Variants in ZBTB7C observed in about 807,000 individuals in gnomAD.
ZBTB7C encodes zinc finger and BTB domain containing 7C, also known as zinc finger and BTB domain-containing protein 7C.
Under a neutral mutation model 25.7 loss-of-function variants are expected in ZBTB7C, and 8 were observed. The observed-to-expected ratio is 0.31, with a 90% CI of 0.18 to 0.56. ZBTB7C has a LOEUF of 0.56. Ranked by LOEUF, ZBTB7C falls within the 20% of genes least tolerant of loss-of-function variation. ZBTB7C has a pLI of 0.91. For missense variants in ZBTB7C, 824 were observed against 855.2 expected (o/e 0.96, Z 0.46); for synonymous variants, 394 against 369.0 (o/e 1.07, Z -0.78).
At chr18:48,296,561 G>A (rs1340744082) in intron 2 of ZBTB7C, among the ~76,000 whole-genome samples, 1 of 152,104 alleles carries the variant, frequency 6.6e-6, no homozygotes, top group African/African-American at 2.4e-5. Flanking sequence ...GCACACGATG[G>A]AGCATCCCAA....
intron 3 of ZBTB7C, among the ~76,000 whole-genome samples, chr18:48,173,896 C>T (rs2041582415): frequency 6.6e-6 from 1 of 152,214 alleles, no homozygotes; most frequent in African/African-American, 2.4e-5. Context: ...CCACTTGTCC[C>T]CTGTCCCCAT....
At chr18:48,372,742 C>T (rs147439529) in intron 1 of ZBTB7C, among the ~76,000 whole-genome samples, 2 of 152,106 alleles carry the variant, frequency 1.3e-5, no homozygotes, top group African/African-American at 2.4e-5. Context: ...CCTTTCTCTT[C>T]CTTAAACACA....
chr18:48,253,106 C>T (rs896311514), intron 2 of ZBTB7C, among the ~76,000 whole-genome samples: 7 of 151,932 alleles, frequency 4.6e-5, no homozygotes, highest in African/African-American at 1.7e-4. Context: ...TGAGCTGGCC[C>T]TTTAAGGATG....
chr18:48,233,397 C>T (rs2043303459), intron 2 of ZBTB7C, among the ~76,000 whole-genome samples: 1 of 152,094 alleles, frequency 6.6e-6, no homozygotes, highest in South Asian at 2.1e-4. Context: ...TACAGAAGCA[C>T]AAAATGGACT....
intron 2 of ZBTB7C, among the ~76,000 whole-genome samples, chr18:48,294,880 C>A (rs1405299159): frequency 6.6e-6 from 1 of 152,178 alleles, no homozygotes; most frequent in Non-Finnish European, 1.5e-5. Flanking sequence ...CACTTGGCCT[C>A]CTCTTTTTCA....
rs776047154 is a variant in ZBTB7C, at chr18:48,040,213, G to A, written c.895C>T (p.Pro299Ser). 1 of 1,570,668 alleles carries A rather than the reference G, an allele frequency of 6.4e-7. No homozygotes were observed. The highest frequency in any genetic ancestry group is 1.8e-5 in the Admixed American group (1 of 54,234). Residue 299 changes from proline (P) to serine (S), a missense_variant, in exon 4 of 5, where the codon CCA (proline) becomes TCA (serine). Pro to Ser is a moderately conservative substitution (Grantham distance 74). This residue lies in a region of ZBTB7C where 316 missense variants were observed against 299.2 expected (regional missense o/e 1.06). Transcript: ENST00000590800. ...IKEEEKEELP[P>S]PPPPPFPNDF... ...TTAGGGAAGGGTGGCGGTGGGGGTG[G>A]GGGCAGCTCCTCCTTCTCCTCCTCC...
intron 2 of ZBTB7C, among the ~76,000 whole-genome samples, chr18:48,220,389 G>A (rs1442402672): frequency 6.6e-6 from 1 of 152,190 alleles, no homozygotes; most frequent in African/African-American, 2.4e-5. Flanking sequence ...GGCTCAAACA[G>A]CAAGCAGGCC....
At chr18:48,131,190 C>T (rs2039975234) in intron 3 of ZBTB7C, among the ~76,000 whole-genome samples, 1 of 152,244 alleles carries the variant, frequency 6.6e-6, no homozygotes, top group Non-Finnish European at 1.5e-5. Flanking sequence ...AGGCGTGAGC[C>T]ATGGCACCTG....
chr18:48,327,893 T>C (rs116175778), intron 2 of ZBTB7C, among the ~76,000 whole-genome samples: 149 of 151,966 alleles, frequency 9.8e-4, no homozygotes, highest in African/African-American at 3.2e-3. Flanking sequence ...ATTACGGCCA[T>C]ATATATAAAC....
chr18:48,340,745 G>A (rs1013483738), intron 1 of ZBTB7C, among the ~76,000 whole-genome samples: 8 of 152,138 alleles, frequency 5.3e-5, no homozygotes, highest in South Asian at 2.1e-4. Context: ...CCCTCACTCC[G>A]GGATTCTCAT....
rs147766693 is a variant in ZBTB7C at position 48,092,285 on chromosome 18, C to T, written c.-16-51162G>A. ...GAACCCTGGAGGCTACCAGCCTTGC[C>T]CTGGTATGCCCCAACGCCCCTGTAC... On this transcript the variant is annotated intron_variant, in intron 3 of 4. Coordinates refer to ENST00000590800, the MANE Select transcript of ZBTB7C (RefSeq NM_001318841.2). Among the ~76,000 whole-genome samples the T allele has an allele frequency of 3.8e-3, 580 of 152,302 alleles. 12 individuals carry two copies. The highest frequency in any genetic ancestry group is 0.01 in the Middle Eastern group (3 of 294).
At chr18:48,182,577 T>G (rs1212823615) in intron 3 of ZBTB7C, among the ~76,000 whole-genome samples, 1 of 152,134 alleles carries the variant, frequency 6.6e-6, no homozygotes, top group Non-Finnish European at 1.5e-5. Context: ...GTGGATCAGC[T>G]GTGTAACTGT....
chr18:48,261,727 G>A (rs763087810), intron 2 of ZBTB7C, among the ~76,000 whole-genome samples: 4 of 152,134 alleles, frequency 2.6e-5, no homozygotes, highest in African/African-American at 4.8e-5. Context: ...TGCTTCTTAC[G>A]AAGCAAGTGC....
chr18:48,320,342 G>T (rs1193192153), intron 2 of ZBTB7C, among the ~76,000 whole-genome samples: 1 of 152,212 alleles, frequency 6.6e-6, no homozygotes, highest in Non-Finnish European at 1.5e-5. Flanking sequence ...CTGCTGTGGG[G>T]ACTTGGCATT....
intron 1 of ZBTB7C, among the ~76,000 whole-genome samples, chr18:48,405,225 G>T (rs1568428757): frequency 1.3e-5 from 2 of 152,142 alleles, no homozygotes; most frequent in Non-Finnish European, 2.9e-5. Context: ...GGAGGACTTT[G>T]GTGTTGGTTT....
At chr18:48,160,624 T>C (rs1016381459) in intron 3 of ZBTB7C, among the ~76,000 whole-genome samples, 4 of 152,174 alleles carry the variant, frequency 2.6e-5, no homozygotes, top group Admixed American at 2.6e-4. Flanking sequence ...GTATAAATAG[T>C]GGCAATCTTG....
chr18:48,222,145 T>C (rs1298968402), intron 2 of ZBTB7C, among the ~76,000 whole-genome samples: 1 of 152,162 alleles, frequency 6.6e-6, no homozygotes, highest in Non-Finnish European at 1.5e-5. Context: ...CTGTCTTTAT[T>C]GTCTCTAGCC....
upstream of ZBTB7C, among the ~76,000 whole-genome samples, chr18:48,411,661 T>C (rs1426374055): frequency 6.6e-6 from 1 of 152,152 alleles, no homozygotes; most frequent in Non-Finnish European, 1.5e-5. Flanking sequence ...CTGCAGGAAA[T>C]AGAAATGTAG....
At chr18:48,334,353 G>A (rs1162730977) in intron 2 of ZBTB7C, among the ~76,000 whole-genome samples, 1 of 152,128 alleles carries the variant, frequency 6.6e-6, no homozygotes, top group East Asian at 1.9e-4. Context: ...GCACCTAGGG[G>A]GAGCACCTCA....
Sources: allele counts gnomAD v4.1 joint callset (sites outside exome capture counted in the v4.1 genomes callset), GRCh38; gene constraint gnomAD v4.1.1; regional missense constraint gnomAD v4.1.1; transcripts MANE v1.5; gene names NCBI Gene and HGNC (gene_info 2026-07-23, HGNC 2026-07-21).